Variants in KNTC1 observed in about 807,000 individuals in gnomAD.
The protein encoded by KNTC1 is kinetochore associated 1.
A neutral mutation model predicts 314.4 loss-of-function variants in KNTC1; 253 were observed. The ratio of observed to expected loss-of-function variants is 0.80; its 90% CI spans 0.73 to 0.89. The LOEUF (loss-of-function observed/expected upper bound fraction) is 0.89. Ranked by LOEUF, KNTC1 falls within the 40% of genes least tolerant of loss-of-function variation. KNTC1 has a pLI of 0.00. For synonymous variants in KNTC1, 901 were observed against 901.4 expected (o/e 1.00, Z 0.01); for missense variants, 2,475 against 2,572.9 (o/e 0.96, Z 0.82).
intron 1 of KNTC1, among the ~76,000 whole-genome samples, chr12:122,529,046 G>C (rs1156543795): frequency 6.6e-6 from 1 of 152,126 alleles, no homozygotes; most frequent in Admixed American, 6.5e-5. Context: ...GTTTCGTCAT[G>C]TTGGCCAGGC....
At chr12:122,539,822 C>T (rs1962147377) in intron 5 of KNTC1, 68 bp downstream of exon 5, 2 of 1,091,560 alleles carry the variant, frequency 1.8e-6, no homozygotes, top group Admixed American at 2.6e-5. Flanking sequence ...CCCTTTGTCG[C>T]CCAGGCTGGA....
chr12:122,584,279 G>A lies in KNTC1; in HGVS notation c.3265G>A (p.Asp1089Asn), dbSNP rs777291592. ...NIKTALKKCS[D>N]LFKYHCNADT... ...ACCAATACTTTCTTTCTTCCAAAGC[G>A]ACTTGTTTAAGTATCACTGCAATGC... Residue 1089 changes from aspartate to asparagine, a missense_variant and splice_region_variant, in exon 35 of 64, where the codon GAC becomes AAC. Physicochemically the swap from Asp to Asn is conservative, Grantham distance 23. Transcript: ENST00000333479. The A allele has an allele frequency of 6.2e-6, 10 of 1,602,728 alleles. No individual in the cohort carries two copies. The Admixed American group carries it at 6.8e-5, about 11-fold the overall frequency.
At chr12:122,572,658 A>G (rs1185760013) in intron 24 of KNTC1, among the ~76,000 whole-genome samples, 1 of 152,152 alleles carries the variant, frequency 6.6e-6, no homozygotes, top group Non-Finnish European at 1.5e-5. Context: ...CACTACCTAA[A>G]TGATGCTGTG....
intron 40 of KNTC1, 33 bp downstream of exon 40, chr12:122,588,849 G>T (rs200986988): frequency 7.9e-4 from 969 of 1,224,320 alleles, no homozygotes; most frequent in Admixed American, 1.0e-3. Flanking sequence ...AATTTTGTTT[G>T]TTTTTTTTTT....
In KNTC1 at chr12:122,618,519, T is replaced by G; in HGVS notation, c.6123T>G (p.Cys2041Trp). 6.2e-7 allele frequency: 1 copy of G among 1,612,536 alleles called. No individual in the cohort carries two copies. Among genetic ancestry groups the G allele is most frequent in the South Asian group, 1.1e-5 (1 of 91,060 alleles). ...TAAGTCCTGATCAGCTGTCAGATTG[T>G]TCTGAGAGTCTCATCGCTGTCCTCG... is the stretch of plus-strand genomic sequence containing the variant. ...CPLSPDQLSD[C>W]SESLIAVLEC... is the part of the protein sequence containing the mutation. The change falls in exon 59 of 64, where the codon TGT (cysteine) becomes TGG (tryptophan). Residue 2041 changes from cysteine to tryptophan, a missense_variant. Physicochemically the swap from Cys to Trp is radical, Grantham distance 215 (BLOSUM62 -2). Transcript: ENST00000333479.
intron 44 of KNTC1, among the ~76,000 whole-genome samples, chr12:122,600,731 T>C (rs1593656676): frequency 6.6e-6 from 1 of 152,172 alleles, no homozygotes; most frequent in African/African-American, 2.4e-5. Context: ...AGTGGCGTGA[T>C]CTCAGCTCAC....
In KNTC1 at chr12:122,573,183, G is replaced by A. The variant is rs1354946749; in HGVS notation, c.2181G>A (p.Val727=). 3.1e-6 allele frequency: 5 copies of A among 1,613,910 alleles called. No homozygotes were observed. The highest frequency in any genetic ancestry group is 3.4e-6 in the Non-Finnish European group (4 of 1,179,858). Residue 727 remains valine, a synonymous_variant, in exon 26 of 64, where the codon GTG becomes GTA. Coordinates refer to ENST00000333479, the MANE Select transcript of KNTC1 (RefSeq NM_014708.6). The part of the protein sequence containing the change: ...TTIVFRMFDK[V]LAPELIPSIL... ...TAGTGTTCCGAATGTTTGATAAAGT[G>A]CTGGCCCCAGAGCTTATTCCCTCCA... is the stretch of plus-strand genomic sequence containing the variant.
intron 21 of KNTC1, among the ~76,000 whole-genome samples, chr12:122,569,204 G>A (rs1964532315): frequency 6.6e-6 from 1 of 152,198 alleles, no homozygotes. Context: ...AAGGCAACAT[G>A]TTATCTGGTT....
At chr12:122,543,562 A>C (rs1035445528) in intron 6 of KNTC1, 38 bp from the exon 7 acceptor site, 2 of 1,406,258 alleles carry the variant, frequency 1.4e-6, no homozygotes, top group African/African-American at 2.9e-5. Context: ...TTTGTAGATT[A>C]ATACTATACA....
At chr12:122,601,452 A>G (rs1871886904) in intron 44 of KNTC1, 84 bp from the exon 45 acceptor site, 2 of 1,145,802 alleles carry the variant, frequency 1.7e-6, no homozygotes, top group East Asian at 2.9e-5. Context: ...TTATATTTGT[A>G]ATCTGTGCTG....
chr12:122,584,399 C>G lies in KNTC1; in HGVS notation c.3385C>G (p.Pro1129Ala), dbSNP rs1164928488. The change falls in exon 35 of 64, where the codon CCT becomes GCT. Residue 1129 changes from proline (P) to alanine (A), a missense_variant. Pro to Ala is a conservative substitution (Grantham distance 27, BLOSUM62 -1). Coordinates refer to ENST00000333479, the MANE Select transcript of KNTC1 (RefSeq NM_014708.6). ...PVTVPVGLNL[P>A]SMIHDLASQA... is the part of the protein sequence containing the mutation. ...GACAGTGCCTGTGGGACTGAATCTT[C>G]CTTCCATGATACATGATCTAGCAAG... The G allele has an allele frequency of 6.2e-7, 1 of 1,613,416 alleles. No homozygotes were observed. Among genetic ancestry groups the G allele is most frequent in the Non-Finnish European group, 8.5e-7 (1 of 1,179,530 alleles).
intron 53 of KNTC1, 181 bp downstream of exon 53, chr12:122,611,081 C>G (rs915285076): frequency 6.6e-6 from 4 of 601,864 alleles, no homozygotes; most frequent in African/African-American, 5.6e-5. Context: ...CCATTTAGTT[C>G]TGGTCTCTGT....
intron 10 of KNTC1, 36 bp from the exon 11 acceptor site, chr12:122,547,379 A>G: frequency 1.4e-6 from 2 of 1,383,736 alleles, no homozygotes; most frequent in Non-Finnish European, 2.0e-6. Context: ...CTGTCTCAAA[A>G]AAAAAGGACA....
At chr12:122,577,572 ATGATG>A in intron 30 of KNTC1, 95 bp from the exon 31 acceptor site, 1 of 1,149,150 alleles carries the variant, frequency 8.7e-7, no homozygotes, top group South Asian at 1.9e-5. Context: ...GTTTTTCCAA[ATGATG>A]TATTTTCATC....
chr12:122,584,263 T>C lies in KNTC1; in HGVS notation c.3264-15T>C, dbSNP rs78954544. ...TGTGAGTATTCTAACTACCAATACT[T>C]TCTTTCTTCCAAAGCGACTTGTTTA... On this transcript the variant is annotated splice_polypyrimidine_tract_variant and intron_variant, in intron 34 of 63. Transcript: ENST00000333479. 15,334 of 1,592,576 alleles carry C rather than the reference T, an allele frequency of 9.6e-3. 1,246 individuals carry two copies. In the African/African-American group the frequency reaches 0.18, roughly 19 times the overall value.
At chr12:122,540,892 T>C (rs970215731) in intron 5 of KNTC1, among the ~76,000 whole-genome samples, 2 of 152,322 alleles carry the variant, frequency 1.3e-5, no homozygotes, top group South Asian at 2.1e-4. Context: ...ATGAGCAGGC[T>C]GTGTGTGGTG....
chr12:122,611,516 C>G (rs2138152799), intron 53 of KNTC1: 1 of 152,414 alleles, frequency 6.6e-6, no homozygotes. Flanking sequence ...CATATAAAGA[C>G]TTACGACCTA....
chr12:122,535,757 A>G (rs1028183897), intron 3 of KNTC1, among the ~76,000 whole-genome samples: 20 of 152,044 alleles, frequency 1.3e-4, no homozygotes, highest in Admixed American at 9.2e-4. Context: ...CAGAGGTTGC[A>G]GTGAGCCAAG....
chr12:122,538,709 G>T (rs1284603952), intron 4 of KNTC1, among the ~76,000 whole-genome samples: 2 of 151,744 alleles, frequency 1.3e-5, no homozygotes, highest in Non-Finnish European at 2.9e-5. Flanking sequence ...GGAATCTCAA[G>T]GAAACAGCGT....
Sources: gnomAD v4.1 joint callset for allele counts (sites outside exome capture counted in the v4.1 genomes callset) on GRCh38, gnomAD v4.1.1 for gene constraint, MANE v1.5 for transcripts, NCBI Gene and HGNC (gene_info 2026-07-23, HGNC 2026-07-21) for gene names.